The following SCHIP1 variants were observed in gnomAD, a reference collection of about 807,000 sequenced individuals.
SCHIP1 encodes the protein schwannomin-interacting protein 1.
SCHIP1 carries 8 observed loss-of-function variants against 29.7 expected under a neutral mutation model. The observed-to-expected ratio is 0.27, with a 90% confidence interval of 0.16 to 0.49. The LOEUF (loss-of-function observed/expected upper bound fraction) is 0.49, where lower values mean the gene tolerates loss of function less well. SCHIP1 is among the 20% of genes least tolerant of loss of function. The pLI is 0.99. For missense variants in SCHIP1, 193 were observed against 294.6 expected (o/e 0.66, Z 2.52); for synonymous variants, 76 against 94.9 (o/e 0.80, Z 1.16).
the SCHIP1 span, among the ~76,000 whole-genome samples, chr3:159,388,456 C>G: frequency 6.6e-6 from 1 of 151,950 alleles, no homozygotes; most frequent in South Asian, 2.1e-4. Flanking sequence ...TGTTGAGTTT[C>G]TAGATAAAAG....
At chr3:159,770,157 G>A in the SCHIP1 span, among the ~76,000 whole-genome samples, 1 of 152,166 alleles carries the variant, frequency 6.6e-6, no homozygotes, top group African/African-American at 2.4e-5. Context: ...GCTGAGTAGT[G>A]TTCCATTTTG....
At chr3:159,850,534 T>A (rs1712452934) in intron 1 of SCHIP1, among the ~76,000 whole-genome samples, 1 of 117,422 alleles carries the variant, frequency 8.5e-6, no homozygotes. Context: ...AGGCTGGAGA[T>A]TCCATCTCAA....
chr3:159,378,585 A>G, the SCHIP1 span, among the ~76,000 whole-genome samples: 3 of 152,218 alleles, frequency 2.0e-5, no homozygotes, highest in African/African-American at 7.2e-5. Flanking sequence ...GTGTCAAGCT[A>G]CAGGCTCCTG....
chr3:159,468,753 T>C, the SCHIP1 span, among the ~76,000 whole-genome samples: 219 of 115,494 alleles, frequency 1.9e-3, 2 homozygotes, highest in African/African-American at 7.0e-3. Context: ...TAATATATAA[T>C]ATAATATATA....
At chr3:159,586,327 A>G in the SCHIP1 span, among the ~76,000 whole-genome samples, 1 of 152,272 alleles carries the variant, frequency 6.6e-6, no homozygotes, top group African/African-American at 2.4e-5. Context: ...AGCTGGAAGG[A>G]TGAACCAGCT....
At chr3:159,722,569 T>C in the SCHIP1 span, among the ~76,000 whole-genome samples, 1 of 152,178 alleles carries the variant, frequency 6.6e-6, no homozygotes, top group Non-Finnish European at 1.5e-5. Flanking sequence ...AATGTATACA[T>C]TTGAGACGCA....
chr3:159,476,671 GTTATT>G, the SCHIP1 span, among the ~76,000 whole-genome samples: 2 of 152,144 alleles, frequency 1.3e-5, no homozygotes, highest in African/African-American at 2.4e-5. Flanking sequence ...ATTTCTAAAT[GTTATT>G]TTATTTTTAA....
the SCHIP1 span, among the ~76,000 whole-genome samples, chr3:159,606,357 T>C: frequency 6.6e-6 from 1 of 152,034 alleles, no homozygotes; most frequent in Non-Finnish European, 1.5e-5. Context: ...TTAATGAAAA[T>C]CTATATTGCC....
chr3:159,870,643 C>G (rs1264612750), intron 2 of SCHIP1, among the ~76,000 whole-genome samples: 1 of 151,666 alleles, frequency 6.6e-6, no homozygotes, highest in African/African-American at 2.4e-5. Context: ...TTTTCAGATA[C>G]TAATATTATA....
At chr3:159,650,943 G>C in the SCHIP1 span, among the ~76,000 whole-genome samples, 7 of 152,274 alleles carry the variant, frequency 4.6e-5, no homozygotes, top group South Asian at 8.3e-4. Context: ...TTTGAATGTT[G>C]TGTCTGCTAC....
chr3:159,858,160 A>C (rs572492058), intron 1 of SCHIP1, among the ~76,000 whole-genome samples: 137 of 152,362 alleles, frequency 9.0e-4, no homozygotes, highest in African/African-American at 3.1e-3. Flanking sequence ...CCTGTTAAAA[A>C]TAGAGTTGCC....
At chr3:159,425,542 C>T in the SCHIP1 span, among the ~76,000 whole-genome samples, 25,308 of 151,878 alleles carry the variant, frequency 0.17, 2,360 homozygotes, top group South Asian at 0.36. Context: ...ATTCATAAAG[C>T]AAGTCCTGAG....
At chr3:159,414,368 G>A in the SCHIP1 span, among the ~76,000 whole-genome samples, 8 of 152,292 alleles carry the variant, frequency 5.3e-5, no homozygotes, top group African/African-American at 1.7e-4. Flanking sequence ...GTCTTCTGCT[G>A]TAAGATAAGG....
At chr3:159,524,165 A>T in the SCHIP1 span, among the ~76,000 whole-genome samples, 2 of 152,236 alleles carry the variant, frequency 1.3e-5, no homozygotes, top group Admixed American at 1.3e-4. Flanking sequence ...CACCACGTAG[A>T]AATGTCCAGC....
chr3:159,893,425 C>T (rs570651427), intron 6 of SCHIP1: 1 of 152,222 alleles, frequency 6.6e-6, no homozygotes, highest in South Asian at 2.1e-4. Context: ...TATAAAACAT[C>T]CCTTTTTTGT....
the SCHIP1 span, among the ~76,000 whole-genome samples, chr3:159,278,705 A>G: frequency 3.3e-5 from 5 of 152,342 alleles, no homozygotes; most frequent in Admixed American, 6.5e-5. Flanking sequence ...TCAAGTCAGC[A>G]TAGATACTGG....
chr3:159,450,890 G>A, the SCHIP1 span, among the ~76,000 whole-genome samples: 1 of 143,510 alleles, frequency 7.0e-6, no homozygotes, highest in East Asian at 2.1e-4. Context: ...CTCACTGCAA[G>A]CTCCACCTCC....
the SCHIP1 span, chr3:159,722,061 T>G: frequency 8.3e-6 from 3 of 361,756 alleles, no homozygotes; most frequent in East Asian, 2.1e-4. Context: ...ATCCCTTCAG[T>G]TGGTTTCTGC....
At chr3:159,663,441 C>T in the SCHIP1 span, among the ~76,000 whole-genome samples, 3,035 of 152,222 alleles carry the variant, frequency 0.02, 117 homozygotes, top group African/African-American at 0.07. Flanking sequence ...GTTGAGGAAA[C>T]ACATCCTGCA....
Sources: gnomAD v4.1 joint callset for allele counts (sites outside exome capture counted in the v4.1 genomes callset) on GRCh38, gnomAD v4.1.1 for gene constraint, MANE v1.5 for transcripts, NCBI Gene and HGNC (gene_info 2026-07-23, HGNC 2026-07-21) for gene names.